The following DOK6 variants were observed in gnomAD, a reference collection of about 807,000 sequenced individuals.
DOK6 encodes downstream of tyrosine kinase 6.
A neutral mutation model predicts 44.0 loss-of-function variants in DOK6; 22 were observed. The ratio of observed to expected loss-of-function variants is 0.50; its 90% confidence interval spans 0.36 to 0.71. DOK6 has a LOEUF of 0.71. DOK6 is among the 30% of genes least tolerant of loss of function. The probability of loss-of-function intolerance (pLI) is 0.00; values close to 1 mark genes in which losing one functional copy is unlikely to be tolerated. For missense variants in DOK6, 340 were observed against 416.4 expected, an observed-to-expected ratio of 0.82 and a Z score of 1.60; for synonymous variants, 166 against 145.5, an observed-to-expected ratio of 1.14 and a Z score of -1.01.
chr18:69,751,960 A>G (rs533429091), intron 6 of DOK6, among the ~76,000 whole-genome samples: 117 of 152,340 alleles, frequency 7.7e-4, no homozygotes, highest in Non-Finnish European at 1.2e-3. Context: ...AGGAGAGAAT[A>G]CCTTCTATTC....
At chr18:69,501,197 T>C (rs1419940577) in intron 1 of DOK6, among the ~76,000 whole-genome samples, 5 of 152,138 alleles carry the variant, frequency 3.3e-5, no homozygotes, top group Non-Finnish European at 7.4e-5. Flanking sequence ...ACTTATTTTA[T>C]GGTAGAGTTT....
chr18:69,525,633 G>A (rs17204071), intron 1 of DOK6, among the ~76,000 whole-genome samples: 6,639 of 151,970 alleles, frequency 0.044, 208 homozygotes, highest in Admixed American at 0.094. Context: ...CCCTGTGAAT[G>A]GGAAATTTGG....
chr18:69,552,155 A>T (rs180969155), intron 1 of DOK6, among the ~76,000 whole-genome samples: 1 of 152,204 alleles, frequency 6.6e-6, no homozygotes, highest in African/African-American at 2.4e-5. Flanking sequence ...TACACTTTAG[A>T]AGCTCATTGT....
At chr18:69,633,160 C>T (rs1984728056) in intron 3 of DOK6, among the ~76,000 whole-genome samples, 1 of 152,130 alleles carries the variant, frequency 6.6e-6, no homozygotes, top group Non-Finnish European at 1.5e-5. Context: ...ATGTAATGTC[C>T]TTGTAAGAAT....
chr18:69,507,233 T>G (rs775249826), intron 1 of DOK6, among the ~76,000 whole-genome samples: 1 of 152,028 alleles, frequency 6.6e-6, no homozygotes, highest in Non-Finnish European at 1.5e-5. Flanking sequence ...TTCACCGTGT[T>G]AGCCAGAATG....
chr18:69,625,335 G>A (rs928599579), intron 3 of DOK6, among the ~76,000 whole-genome samples: 6 of 152,132 alleles, frequency 3.9e-5, no homozygotes, highest in African/African-American at 1.4e-4. Flanking sequence ...TGTCAGGGAA[G>A]TAAATCTATG....
intron 2 of DOK6, among the ~76,000 whole-genome samples, chr18:69,576,274 G>T (rs1219812336): frequency 1.3e-5 from 2 of 151,486 alleles, no homozygotes; most frequent in African/African-American, 4.8e-5. Flanking sequence ...GACTAGTGTG[G>T]ATTTCTCAAA....
At chr18:69,514,144 A>C (rs1227987751) in intron 1 of DOK6, among the ~76,000 whole-genome samples, 1 of 152,120 alleles carries the variant, frequency 6.6e-6, no homozygotes, top group Non-Finnish European at 1.5e-5. Flanking sequence ...CTGTTTGTGT[A>C]AATACTTGAA....
chr18:69,734,164 T>C (rs1978517973), intron 5 of DOK6, among the ~76,000 whole-genome samples: 1 of 151,558 alleles, frequency 6.6e-6, no homozygotes, highest in South Asian at 2.1e-4. Context: ...TTTTTCCAAA[T>C]GACTACCATT....
At chr18:69,797,492 AAAT>A (rs1233804351) in intron 7 of DOK6, among the ~76,000 whole-genome samples, 2 of 152,170 alleles carry the variant, frequency 1.3e-5, no homozygotes, top group African/African-American at 2.4e-5. Context: ...AACACAGGAA[AAAT>A]AATAGCCCAG....
chr18:69,440,139 G>A (rs1203754454), intron 1 of DOK6, among the ~76,000 whole-genome samples: 1 of 152,116 alleles, frequency 6.6e-6, no homozygotes, highest in African/African-American at 2.4e-5. Context: ...GGAGAGAAGT[G>A]GGAAATGGCT....
intron 1 of DOK6, among the ~76,000 whole-genome samples, chr18:69,557,146 A>T (rs1982706172): frequency 6.6e-6 from 1 of 152,176 alleles, no homozygotes; most frequent in African/African-American, 2.4e-5. Context: ...CAGCTACGAC[A>T]CTTCGTTCTA....
At chr18:69,515,599 A>T (rs547471183) in intron 1 of DOK6, among the ~76,000 whole-genome samples, 1 of 152,234 alleles carries the variant, frequency 6.6e-6, no homozygotes, top group Non-Finnish European at 1.5e-5. Flanking sequence ...ACAAAAATAG[A>T]ATAGACTTGA....
At chr18:69,566,978 A>G (rs964786666) in intron 2 of DOK6, among the ~76,000 whole-genome samples, 1 of 152,196 alleles carries the variant, frequency 6.6e-6, no homozygotes, top group Non-Finnish European at 1.5e-5. Context: ...CAGGCACTCC[A>G]TGGCAGTGCT....
At position 69,549,106 on chromosome 18, in the gene DOK6, A is replaced by AAC. The variant is rs768775826; in HGVS notation, c.67-15380_67-15379insCA. On this transcript the variant is annotated intron_variant, in intron 1 of 7. Coordinates refer to ENST00000382713, the MANE Select transcript of DOK6 (RefSeq NM_152721.6). ...GTGAGACTCCGTCTCAAAAAAAAAA[A>AAC]AACAACAACAAAAAATTTCTACCTT... 2.5e-3 allele frequency among the ~76,000 whole-genome samples: 382 copies of AAC among 151,072 alleles called. 10 individuals are homozygous for AAC. The highest frequency in any genetic ancestry group is 3.6e-3 in the Non-Finnish European group (241 of 67,522).
At chr18:69,500,058 T>C (rs1981004364) in intron 1 of DOK6, among the ~76,000 whole-genome samples, 1 of 152,138 alleles carries the variant, frequency 6.6e-6, no homozygotes, top group South Asian at 2.1e-4. Context: ...CATCACCCCA[T>C]CGACTTCAAC....
In DOK6 at chr18:69,626,967, G is replaced by A. The variant is rs564708028; in HGVS notation, c.289+27469G>A. Among the ~76,000 whole-genome samples the A allele has an allele frequency of 1.4e-3, 213 of 152,132 alleles. 1 individual carries two copies. Among genetic ancestry groups the A allele is most frequent in the African/African-American group, 4.9e-3 (203 of 41,402 alleles). On this transcript the variant is annotated intron_variant, in intron 3 of 7. Transcript: ENST00000382713. ...GGATCTGCAAGGACTGGTGAGAGGGGTCAGGCCTAGAGGTACCTAGGAAGT... is the reference window on the plus strand; with the variant it reads ...GGATCTGCAAGGACTGGTGAGAGGGATCAGGCCTAGAGGTACCTAGGAAGT...
chr18:69,730,774 T>G (rs1978373647), intron 5 of DOK6, among the ~76,000 whole-genome samples: 3 of 152,136 alleles, frequency 2.0e-5, no homozygotes, highest in Admixed American at 6.6e-5. Context: ...TGTTCATGAT[T>G]TCAGTAAATT....
chr18:69,613,952 TTTTA>T (rs1984223023), intron 3 of DOK6, among the ~76,000 whole-genome samples: 2 of 145,930 alleles, frequency 1.4e-5, no homozygotes, highest in African/African-American at 5.3e-5. Context: ...ATAATTAATC[TTTTA>T]TTTTTTATTT....
Sources: allele counts gnomAD v4.1 joint callset (sites outside exome capture counted in the v4.1 genomes callset), GRCh38; gene constraint gnomAD v4.1.1; transcripts MANE v1.5; gene names NCBI Gene and HGNC (gene_info 2026-07-23, HGNC 2026-07-21).